ATP8B1: variants seen among roughly 807,000 people sequenced by gnomAD.
The protein encoded by ATP8B1 is phospholipid-transporting ATPase IC.
In ATP8B1, 80 loss-of-function variants were observed where a neutral mutation model predicts 149.9. The ratio of observed to expected loss-of-function variants is 0.53; its 90% CI spans 0.45 to 0.64. The LOEUF (loss-of-function observed/expected upper bound fraction) is 0.64. ATP8B1 is among the 30% of genes least tolerant of loss of function. The pLI is 0.00. For synonymous variants in ATP8B1, 536 were observed against 562.8 expected (o/e 0.95, Z 0.67); for missense variants, 1,247 against 1,552.6 (o/e 0.80, Z 3.31).
intron 1 of ATP8B1, among the ~76,000 whole-genome samples, chr18:57,799,430 G>A (rs898801556): frequency 5.3e-5 from 8 of 152,172 alleles, no homozygotes; most frequent in Admixed American, 3.9e-4. Context: ...AGAAAATGAG[G>A]CCGGGTGCGG....
rs2122724872 is a variant in ATP8B1, at chr18:57,671,596, G to A, written c.1820-16C>T. On this transcript the variant is annotated splice_polypyrimidine_tract_variant and intron_variant, in intron 16 of 27. Transcript: ENST00000648908. ...GGGGTTCTTACTGGTAGTAAAAGAA[G>A]GAAATAAACACAACAAAGTTTGATT... 6.4e-7 allele frequency: 1 copy of A among 1,551,462 alleles called. No individual in the cohort carries two copies. Among genetic ancestry groups the A allele is most frequent in the Non-Finnish European group, 8.9e-7 (1 of 1,123,218 alleles).
chr18:57,749,497 T>C (rs1046754244), intron 1 of ATP8B1, among the ~76,000 whole-genome samples: 1 of 152,248 alleles, frequency 6.6e-6, no homozygotes, highest in African/African-American at 2.4e-5. Context: ...ATACTATTTA[T>C]AACTTTTACT....
At chr18:57,750,352 C>A (rs1312244878) in intron 1 of ATP8B1, among the ~76,000 whole-genome samples, 1 of 152,180 alleles carries the variant, frequency 6.6e-6, no homozygotes, top group African/African-American at 2.4e-5. Flanking sequence ...TACTGAAAAG[C>A]CTTTAAATGT....
chr18:57,765,845 GC>G (rs1281730984), intron 1 of ATP8B1, among the ~76,000 whole-genome samples: 1 of 151,382 alleles, frequency 6.6e-6, no homozygotes, highest in African/African-American at 2.4e-5. Context: ...GGTGGCAGGT[GC>G]CTGTAATCTC....
intron 1 of ATP8B1, among the ~76,000 whole-genome samples, chr18:57,778,270 G>T (rs1341509067): frequency 2.7e-5 from 4 of 146,678 alleles, no homozygotes; most frequent in African/African-American, 1.0e-4. Flanking sequence ...CTGTCGCCCA[G>T]GCTGGAGTGC....
chr18:57,700,161 T>C (rs908013135), intron 6 of ATP8B1, among the ~76,000 whole-genome samples: 3 of 152,250 alleles, frequency 2.0e-5, no homozygotes, highest in Admixed American at 6.5e-5. Context: ...CGGACTTACA[T>C]GCAAATTTCT....
chr18:57,730,836 C>T (rs62092608), intron 2 of ATP8B1, among the ~76,000 whole-genome samples: 2 of 526 alleles, frequency 3.8e-3, no homozygotes, highest in African/African-American at 0.019. Flanking sequence ...TATATATATA[C>T]ACACACACAC....
chr18:57,736,913 G>GTT (rs932913552), intron 1 of ATP8B1: 23 of 152,110 alleles, frequency 1.5e-4, no homozygotes, highest in African/African-American at 4.8e-4. Flanking sequence ...CTACAGCCTT[G>GTT]TTATATATAT....
At chr18:57,718,103 T>TAAAAAA (rs59629558) in intron 2 of ATP8B1, among the ~76,000 whole-genome samples, 4 of 31,818 alleles carry the variant, frequency 1.3e-4, no homozygotes, top group African/African-American at 5.2e-4. Context: ...CTGGACTAAC[T>TAAAAAA]AAAAAAAAAA....
At chr18:57,773,385 T>C (rs906178974) in intron 1 of ATP8B1, among the ~76,000 whole-genome samples, 4 of 152,034 alleles carry the variant, frequency 2.6e-5, no homozygotes, top group Non-Finnish European at 4.4e-5. Flanking sequence ...CTGGCAGAAC[T>C]TTCAGAGGCA....
intron 2 of ATP8B1, among the ~76,000 whole-genome samples, chr18:57,710,545 A>G (rs73959330): frequency 0.012 from 1,835 of 152,282 alleles, 40 homozygotes; most frequent in African/African-American, 0.042. Flanking sequence ...CACTGCAGCA[A>G]ACAAGGAAAA....
chr18:57,734,194 T>G (rs1043624673), intron 1 of ATP8B1: 2 of 152,178 alleles, frequency 1.3e-5, no homozygotes, highest in Admixed American at 6.5e-5. Context: ...ATTATTTTAT[T>G]ATTATTATCT....
chr18:57,786,552 A>G (rs2850243), intron 1 of ATP8B1, among the ~76,000 whole-genome samples: 55,523 of 152,092 alleles, frequency 0.37, 12,917 homozygotes, highest in African/African-American at 0.66. Context: ...ACCACCACTG[A>G]TCAAGCCACA....
chr18:57,798,451 A>G (rs2850239), intron 1 of ATP8B1, among the ~76,000 whole-genome samples: 21,229 of 151,396 alleles, frequency 0.14, 2,063 homozygotes, highest in East Asian at 0.43. Flanking sequence ...GAAAAAAAAT[A>G]GCTGGGTACT....
chr18:57,670,636 A>G (rs983938504), intron 17 of ATP8B1, among the ~76,000 whole-genome samples: 7 of 152,100 alleles, frequency 4.6e-5, no homozygotes, highest in Non-Finnish European at 8.8e-5. Context: ...GGCGTGAGCT[A>G]CTGCACCCAG....
chr18:57,648,779 G>C, intron 27 of ATP8B1, 67 bp from the exon 28 acceptor site: 2 of 1,493,158 alleles, frequency 1.3e-6, no homozygotes, highest in African/African-American at 2.8e-5. Context: ...CTGGCCAGAC[G>C]GTTGACAGAA....
At chr18:57,713,075 T>C (rs1336187691) in intron 2 of ATP8B1, among the ~76,000 whole-genome samples, 1 of 151,954 alleles carries the variant, frequency 6.6e-6, no homozygotes. Flanking sequence ...TTCCCAGCTG[T>C]GGTGGCCATG....
intron 1 of ATP8B1, among the ~76,000 whole-genome samples, chr18:57,791,507 C>T (rs543879810): frequency 6.6e-6 from 1 of 151,988 alleles, no homozygotes; most frequent in South Asian, 2.1e-4. Context: ...CCCACCACTG[C>T]ACCTTTTTGT....
intron 1 of ATP8B1, among the ~76,000 whole-genome samples, chr18:57,732,654 C>T (rs919083683): frequency 3.3e-5 from 5 of 152,072 alleles, no homozygotes; most frequent in African/African-American, 4.8e-5. Flanking sequence ...CCTCCGCCTC[C>T]TGTGTTCAAG....
Sources: allele counts gnomAD v4.1 joint callset (sites outside exome capture counted in the v4.1 genomes callset), GRCh38; gene constraint gnomAD v4.1.1; transcripts MANE v1.5; gene names NCBI Gene and HGNC (gene_info 2026-07-23, HGNC 2026-07-21).